The following MYO1E variants were observed in gnomAD, a reference collection of about 807,000 sequenced individuals.
MYO1E encodes the protein myosin IE, also known as unconventional myosin-Ie.
A neutral mutation model predicts 151.1 loss-of-function variants in MYO1E; 68 were observed. The ratio of observed to expected loss-of-function variants is 0.45; its 90% confidence interval spans 0.37 to 0.55. The LOEUF (loss-of-function observed/expected upper bound fraction) is 0.55, where lower values mean the gene tolerates loss of function less well. MYO1E is among the 20% of genes least tolerant of loss of function. The pLI is 0.00. For missense variants in MYO1E, 1,363 were observed against 1,389.3 expected, an observed-to-expected ratio of 0.98 and a Z score of 0.30; for synonymous variants, 601 against 501.7, an observed-to-expected ratio of 1.20 and a Z score of -2.64.
At chr15:59,222,607 G>C (rs563871575) in intron 9 of MYO1E, among the ~76,000 whole-genome samples, 2 of 152,314 alleles carry the variant, frequency 1.3e-5, no homozygotes, top group South Asian at 4.1e-4. Flanking sequence ...CTGTGAAGCT[G>C]TGAGCTTCCC....
intron 6 of MYO1E, among the ~76,000 whole-genome samples, chr15:59,228,526 A>T (rs1307272337): frequency 6.6e-6 from 1 of 151,170 alleles, no homozygotes; most frequent in African/African-American, 2.4e-5. Context: ...CAATTATTAT[A>T]TATATTTCAT....
intron 1 of MYO1E, among the ~76,000 whole-genome samples, chr15:59,324,671 C>G (rs866799582): frequency 8.6e-5 from 12 of 139,114 alleles, no homozygotes; most frequent in Admixed American, 3.5e-4. Context: ...AAGCCCCCCC[C>G]CCACAGAGGG....
chr15:59,189,334 T>C (rs1039791248), intron 17 of MYO1E, among the ~76,000 whole-genome samples: 2 of 152,120 alleles, frequency 1.3e-5, no homozygotes, highest in East Asian at 1.9e-4. Context: ...TCTGGGATTA[T>C]AGGCATGAGC....
intron 1 of MYO1E, among the ~76,000 whole-genome samples, chr15:59,281,163 T>TTG (rs1325044882): frequency 6.6e-6 from 1 of 152,228 alleles, no homozygotes; most frequent in African/African-American, 2.4e-5. Context: ...CTTTCAATAT[T>TTG]AACACCATTT....
chr15:59,188,777 A>G (rs2079715186), intron 17 of MYO1E, among the ~76,000 whole-genome samples: 1 of 152,188 alleles, frequency 6.6e-6, no homozygotes, highest in Non-Finnish European at 1.5e-5. Context: ...ATTTCAAAGA[A>G]TAACAGTAAC....
chr15:59,157,664 G>T (rs183801443), intron 25 of MYO1E, among the ~76,000 whole-genome samples: 77 of 152,358 alleles, frequency 5.1e-4, no homozygotes, highest in African/African-American at 1.6e-3. Flanking sequence ...GTATGCCAAA[G>T]AGAAGCCATT....
Position 59,372,581 on chromosome 15 carries a change from T to C in MYO1E, c.-81A>G, listed in dbSNP as rs2080954453. The C allele has an allele frequency of 6.6e-7, 1 of 1,508,794 alleles. No individual in the cohort carries two copies. Among genetic ancestry groups the C allele is most frequent in the Non-Finnish European group, 8.9e-7 (1 of 1,125,060 alleles). The allele number at this position is 1,508,794 out of a possible 1,614,324, so 93.5% of individuals were successfully genotyped here. ...CTGGAACGCAGTCTTCTGGGCGAACTTCAAAAGTTGGTTCCCCTCGCCAAA... is the reference window on the plus strand; with the variant it reads ...CTGGAACGCAGTCTTCTGGGCGAACCTCAAAAGTTGGTTCCCCTCGCCAAA... On this transcript the variant is annotated 5_prime_UTR_variant, in exon 1 of 28. Transcript: ENST00000288235.
At chr15:59,332,297 A>G (rs2080702844) in intron 1 of MYO1E, among the ~76,000 whole-genome samples, 1 of 152,250 alleles carries the variant, frequency 6.6e-6, no homozygotes, top group Non-Finnish European at 1.5e-5. Context: ...AGTGTGTGAT[A>G]GGATTTACTG....
At chr15:59,247,996 C>T (rs114052619) in intron 4 of MYO1E, among the ~76,000 whole-genome samples, 3,082 of 151,672 alleles carry the variant, frequency 0.02, 119 homozygotes, top group African/African-American at 0.07. Flanking sequence ...GGTGTCATGG[C>T]ACACCCCTGT....
chr15:59,245,498 A>T (rs1202314263), intron 4 of MYO1E, among the ~76,000 whole-genome samples: 6 of 152,206 alleles, frequency 3.9e-5, no homozygotes, highest in East Asian at 3.8e-4. Context: ...TTTATTATTT[A>T]AAAAAGTATT....
intron 18 of MYO1E, 97 bp downstream of exon 18, chr15:59,188,021 C>A (rs1195529343): frequency 2.2e-6 from 2 of 909,212 alleles, no homozygotes; most frequent in Non-Finnish European, 3.6e-6. Context: ...ACGTTAAAAG[C>A]CATTGACTCG....
At chr15:59,336,114 T>C (rs2080726778) in intron 1 of MYO1E, among the ~76,000 whole-genome samples, 1 of 151,900 alleles carries the variant, frequency 6.6e-6, no homozygotes, top group South Asian at 2.1e-4. Flanking sequence ...CTCAGGCCTG[T>C]AATCCCAACA....
chr15:59,209,271 C>T (rs2079861367), intron 13 of MYO1E, among the ~76,000 whole-genome samples: 1 of 152,202 alleles, frequency 6.6e-6, no homozygotes, highest in African/African-American at 2.4e-5. Flanking sequence ...TAATGCATTT[C>T]CTTTTTCACA....
intron 1 of MYO1E, among the ~76,000 whole-genome samples, chr15:59,349,706 T>A (rs2080813471): frequency 6.6e-6 from 1 of 152,144 alleles, no homozygotes; most frequent in Non-Finnish European, 1.5e-5. Flanking sequence ...CATCCATCCC[T>A]CCCCAAACTA....
At chr15:59,223,218 G>C (rs377188025) in intron 8 of MYO1E, 27 bp from the exon 9 acceptor site, 21 of 1,612,844 alleles carry the variant, frequency 1.3e-5, no homozygotes, top group African/African-American at 2.7e-5. Flanking sequence ...AAACTATCCA[G>C]AGAAGCTGGT....
In MYO1E at chr15:59,299,381, G is replaced by A. The variant is rs547622801; in HGVS notation, c.4-26932C>T. Reference sequence around the variant, plus strand: ...GGATGGCATTTTTTAAATAGCCGCCGCACTCTTGTGGTTTTCTTTCCTGAA... The same window carrying A: ...GGATGGCATTTTTTAAATAGCCGCCACACTCTTGTGGTTTTCTTTCCTGAA... On this transcript the variant is annotated intron_variant, in intron 1 of 27. Coordinates refer to ENST00000288235, the MANE Select transcript of MYO1E (RefSeq NM_004998.4). Among the ~76,000 whole-genome samples the A allele has an allele frequency of 1.6e-4, 25 of 152,246 alleles. No individual in the cohort carries two copies. The East Asian group carries it at 3.5e-3, about 21-fold the overall frequency.
intron 4 of MYO1E, among the ~76,000 whole-genome samples, chr15:59,242,637 A>C (rs897076618): frequency 6.6e-6 from 1 of 152,210 alleles, no homozygotes; most frequent in African/African-American, 2.4e-5. Flanking sequence ...GGAGTCATTA[A>C]TGGATGCTAA....
intron 26 of MYO1E, among the ~76,000 whole-genome samples, chr15:59,143,323 A>C (rs1257020452): frequency 3.3e-5 from 5 of 151,950 alleles, no homozygotes; most frequent in Non-Finnish European, 7.4e-5. Flanking sequence ...GATAGTGGGG[A>C]CTGTCTGATG....
At chr15:59,241,273 G>A (rs1317266733) in intron 4 of MYO1E, among the ~76,000 whole-genome samples, 1 of 152,202 alleles carries the variant, frequency 6.6e-6, no homozygotes, top group Non-Finnish European at 1.5e-5. Flanking sequence ...TCTCAGCAAT[G>A]TGGGAGGCCA....
Sources: allele counts gnomAD v4.1 joint callset (sites outside exome capture counted in the v4.1 genomes callset), GRCh38; gene constraint gnomAD v4.1.1; transcripts MANE v1.5; gene names NCBI Gene and HGNC (gene_info 2026-07-23, HGNC 2026-07-21).